Variants in CADPS2 observed in about 807,000 individuals in gnomAD.
CADPS2 encodes calcium dependent secretion activator 2, also known as calcium-dependent secretion activator 2.
In CADPS2, 93 loss-of-function variants were observed where a neutral mutation model predicts 172.5. The ratio of observed to expected loss-of-function variants is 0.54; its 90% CI spans 0.46 to 0.64. The LOEUF (loss-of-function observed/expected upper bound fraction) is 0.64, where lower values mean the gene tolerates loss of function less well. Ranked by LOEUF, CADPS2 falls within the 30% of genes least tolerant of loss-of-function variation. The pLI is 0.00. For synonymous variants in CADPS2, 546 were observed against 555.2 expected (o/e 0.98, Z 0.23); for missense variants, 1,420 against 1,565.9 (o/e 0.91, Z 1.57).
chr7:122,771,512 G>C lies in CADPS2; in HGVS notation c.340-34444C>G, dbSNP rs936951710. On this transcript the variant is annotated intron_variant, in intron 1 of 29. Coordinates refer to ENST00000449022, the MANE Select transcript of CADPS2 (RefSeq NM_017954.11). ...ATTGAATAAGATGAATAAGGCATATGATTTTTCCTCTCAAGAAATTTCCAG... is the reference window on the plus strand; with the variant it reads ...ATTGAATAAGATGAATAAGGCATATCATTTTTCCTCTCAAGAAATTTCCAG... Among the ~76,000 whole-genome samples, 17 of 152,184 alleles carry C rather than the reference G, an allele frequency of 1.1e-4. 1 individual carries two copies.
intron 1 of CADPS2, chr7:122,849,735 C>A: frequency 2.5e-6 from 1 of 396,138 alleles, no homozygotes. Context: ...TACTATTTCT[C>A]AGTAGAAGCT....
Position 122,637,966 on chromosome 7 carries a change from C to T in CADPS2, c.787-8638G>A, listed in dbSNP as rs117323238. 3.7e-4 allele frequency among the ~76,000 whole-genome samples: 56 copies of T among 152,272 alleles called. 1 individual carries two copies. The East Asian group carries it at 0.01, about 28-fold the overall frequency. On this transcript the variant is annotated intron_variant, in intron 3 of 29. Transcript: ENST00000449022. ...TTGATGTTTCATTTGGGCTGTAATC[C>T]AGTAGGTGCTCCTTAAGAGTGGTGG...
At chr7:122,483,713 CAA>C (rs1227700098) in intron 11 of CADPS2, among the ~76,000 whole-genome samples, 1 of 151,750 alleles carries the variant, frequency 6.6e-6, no homozygotes, top group Non-Finnish European at 1.5e-5. Flanking sequence ...GTGCAAAAGC[CAA>C]GAGAGGAGAA....
chr7:122,620,803 C>T (rs1443816019), intron 5 of CADPS2, among the ~76,000 whole-genome samples: 1 of 151,982 alleles, frequency 6.6e-6, no homozygotes, highest in African/African-American at 2.4e-5. Flanking sequence ...GAAAGGTTAA[C>T]CAAAAATCTG....
chr7:122,836,764 C>G (rs1431212475), intron 1 of CADPS2, among the ~76,000 whole-genome samples: 1 of 152,020 alleles, frequency 6.6e-6, no homozygotes, highest in Non-Finnish European at 1.5e-5. Context: ...ACAGGAGCAC[C>G]CAGATTCATA....
At chr7:122,625,817 T>C (rs1042145713) in intron 4 of CADPS2, among the ~76,000 whole-genome samples, 1 of 152,120 alleles carries the variant, frequency 6.6e-6, no homozygotes, top group Non-Finnish European at 1.5e-5. Context: ...ACACATAACA[T>C]GTATGTATGC....
chr7:122,658,986 C>G (rs188650080), intron 3 of CADPS2, among the ~76,000 whole-genome samples: 1 of 152,088 alleles, frequency 6.6e-6, no homozygotes, highest in East Asian at 1.9e-4. Context: ...TCAACTCCTA[C>G]TCAGATTAAC....
chr7:122,593,508 C>T (rs1392823526), intron 6 of CADPS2, among the ~76,000 whole-genome samples: 1 of 151,934 alleles, frequency 6.6e-6, no homozygotes, highest in African/African-American at 2.4e-5. Flanking sequence ...CCTCATAATA[C>T]ATTTGAGGCA....
At chr7:122,672,557 G>A (rs2081968639) in intron 2 of CADPS2, among the ~76,000 whole-genome samples, 1 of 151,580 alleles carries the variant, frequency 6.6e-6, no homozygotes, top group Non-Finnish European at 1.5e-5. Context: ...TTAAGCAGAG[G>A]AGATAAGTAA....
chr7:122,744,970 C>CT (rs111615580), intron 1 of CADPS2, among the ~76,000 whole-genome samples: 55,709 of 147,818 alleles, frequency 0.38, 11,670 homozygotes, highest in African/African-American at 0.58. Context: ...TCTCATTTTT[C>CT]TTTTTTTTTT....
chr7:122,587,081 A>T (rs1007984600), intron 6 of CADPS2, among the ~76,000 whole-genome samples: 10 of 152,028 alleles, frequency 6.6e-5, no homozygotes, highest in African/African-American at 2.4e-4. Context: ...AATAATTCTT[A>T]TGATTTTTCA....
chr7:122,683,529 G>T (rs1417189624), intron 2 of CADPS2, among the ~76,000 whole-genome samples: 1 of 151,968 alleles, frequency 6.6e-6, no homozygotes, highest in Admixed American at 6.6e-5. Context: ...ATATTATGGG[G>T]TACAACGTGA....
intron 1 of CADPS2, among the ~76,000 whole-genome samples, chr7:122,754,719 C>T (rs2093088967): frequency 6.6e-6 from 1 of 152,184 alleles, no homozygotes; most frequent in Non-Finnish European, 1.5e-5. Flanking sequence ...AGGGGATCTG[C>T]CTGCCTCGGC....
chr7:122,520,044 A>T (rs73717668), intron 8 of CADPS2, among the ~76,000 whole-genome samples: 1 of 152,044 alleles, frequency 6.6e-6, no homozygotes, highest in Admixed American at 6.6e-5. Flanking sequence ...AACTATTAAT[A>T]AGGTAGCTGG....
chr7:122,361,121 G>T, intron 25 of CADPS2, 108 bp from the exon 26 acceptor site: 1 of 825,900 alleles, frequency 1.2e-6, no homozygotes, highest in South Asian at 1.7e-5. Flanking sequence ...AATTCACAAT[G>T]AATGAACTGA....
intron 6 of CADPS2, among the ~76,000 whole-genome samples, chr7:122,606,745 G>C (rs374566818): frequency 6.6e-6 from 1 of 151,988 alleles, no homozygotes; most frequent in African/African-American, 2.4e-5. Context: ...GGTGCTAATG[G>C]GGAAAAAGAA....
chr7:122,444,452 CA>C (rs2051854658), intron 15 of CADPS2, among the ~76,000 whole-genome samples: 1 of 152,154 alleles, frequency 6.6e-6, no homozygotes, highest in Non-Finnish European at 1.5e-5. Flanking sequence ...AGTTTCTCCA[CA>C]ACTGTGTCAA....
chr7:122,595,293 A>G (rs2071582164), intron 6 of CADPS2, among the ~76,000 whole-genome samples: 2 of 152,092 alleles, frequency 1.3e-5, no homozygotes, highest in Non-Finnish European at 2.9e-5. Context: ...TCAGTTCAGC[A>G]TATGAAAAGT....
At chr7:122,587,361 T>C (rs1563783593) in intron 6 of CADPS2, among the ~76,000 whole-genome samples, 1 of 151,988 alleles carries the variant, frequency 6.6e-6, no homozygotes, top group Non-Finnish European at 1.5e-5. Flanking sequence ...TGAGAACATG[T>C]GGTGTTTGGT....
Sources: gnomAD v4.1 joint callset for allele counts (sites outside exome capture counted in the v4.1 genomes callset) on GRCh38, gnomAD v4.1.1 for gene constraint, MANE v1.5 for transcripts, NCBI Gene and HGNC (gene_info 2026-07-23, HGNC 2026-07-21) for gene names.